Variants in ZNF473 observed in about 807,000 individuals in gnomAD.
ZNF473 encodes the protein zinc finger protein 100 homolog.
In ZNF473, 4 loss-of-function variants were observed where a neutral mutation model predicts 11.1. The observed-to-expected ratio is 0.36, with a 90% CI of 0.18 to 0.82. ZNF473 has a LOEUF of 0.82. ZNF473 is among the 40% of genes least tolerant of loss of function. ZNF473 has a pLI of 0.49. For synonymous variants in ZNF473, 404 were observed against 390.4 expected (o/e 1.03, Z -0.41); for missense variants, 854 against 1,084.0 (o/e 0.79, Z 2.98).
At chr19:50,028,690 A>G (rs2122795320) in intron 1 of ZNF473, among the ~76,000 whole-genome samples, 1 of 152,202 alleles carries the variant, frequency 6.6e-6, no homozygotes, top group East Asian at 1.9e-4. Flanking sequence ...ATGTTGCCAA[A>G]TCCTAGGATG....
At chr19:50,040,370 G>C (rs957323983) in intron 3 of ZNF473, among the ~76,000 whole-genome samples, 1 of 152,212 alleles carries the variant, frequency 6.6e-6, no homozygotes, top group African/African-American at 2.4e-5. Context: ...TTTTTACTGG[G>C]GGCTGGTCAT....
chr19:50,026,375 C>T (rs1391022266), intron 1 of ZNF473, among the ~76,000 whole-genome samples: 2 of 151,914 alleles, frequency 1.3e-5, no homozygotes, highest in African/African-American at 2.4e-5. Flanking sequence ...TTCCTCGAAC[C>T]CCCAGTCTCT....
Position 50,047,344 on chromosome 19 carries a change from C to T in ZNF473, c.*285C>T. On this transcript the variant is annotated 3_prime_UTR_variant, in exon 5 of 5. Coordinates refer to ENST00000270617, the MANE Select transcript of ZNF473 (RefSeq NM_015428.4). ...GAAGGTCAGAAAAATCTCTCAGGGC[C>T]TCGGTGTCCTTATCTGTAAAATGGG... 1 of 355,312 alleles carries T rather than the reference C, an allele frequency of 2.8e-6. No homozygotes were observed. The highest frequency in any genetic ancestry group is 5.3e-5 in the East Asian group (1 of 19,036). 22.0% of individuals were successfully genotyped at this position (355,312 alleles called of 1,614,324 possible).
intron 2 of ZNF473, among the ~76,000 whole-genome samples, chr19:50,034,376 G>C (rs2077334082): frequency 6.6e-6 from 1 of 152,100 alleles, no homozygotes; most frequent in Non-Finnish European, 1.5e-5. Flanking sequence ...AGCAAGAGGA[G>C]GATGCTGTTT....
intron 2 of ZNF473, among the ~76,000 whole-genome samples, chr19:50,034,109 G>A (rs2077332814): frequency 6.6e-6 from 1 of 152,158 alleles, no homozygotes; most frequent in Non-Finnish European, 1.5e-5. Context: ...CTTCTCCTAT[G>A]TCTCAGTAAG....
Position 50,044,806 on chromosome 19 carries a change from G to C in ZNF473, c.363G>C (p.Trp121Cys). ...GAGAAGCCTGTATAGAGGACACCTG[G>C]TTAGATAGTTTGCTAGGCGATCCAG... The part of the protein sequence containing the change: ...NFGEACIEDT[W>C]LDSLLGDPES... Residue 121 changes from tryptophan to cysteine, a missense_variant, in exon 5 of 5, where the codon TGG becomes TGC. By Grantham distance (215) the Trp-to-Cys change is radical. Around this residue, in one of 2 missense-constraint regions of ZNF473, gnomAD observed 668 missense variants for 790.2 expected, o/e 0.85. Coordinates refer to ENST00000270617, the MANE Select transcript of ZNF473 (RefSeq NM_015428.4). 2 of 1,614,212 alleles carry C rather than the reference G, an allele frequency of 1.2e-6. No homozygotes were observed. The highest frequency in any genetic ancestry group is 2.2e-5 in the East Asian group (1 of 44,882).
In ZNF473 at chr19:50,041,810, A is replaced by G. The variant is rs1196779070; in HGVS notation, c.217A>G (p.Thr73Ala). The change falls in exon 4 of 5, where the codon ACA becomes GCA. Residue 73 changes from threonine to alanine, a missense_variant. This residue lies in a region of ZNF473 where 668 missense variants were observed against 790.2 expected (regional missense o/e 0.85). Coordinates refer to ENST00000270617, the MANE Select transcript of ZNF473 (RefSeq NM_015428.4). ...TCTGGCAGGAGGAAGCCCAGAAGCA[A>G]CAAGCCCTGGTGAGTGGATGGAGAG... ...EPLAGGSPEA[T>A]SPDVTETKNS... is the part of the protein sequence containing the mutation. The G allele has an allele frequency of 1.2e-6, 2 of 1,612,232 alleles. No homozygotes were observed. Among genetic ancestry groups the G allele is most frequent in the East Asian group, 2.2e-5 (1 of 44,654 alleles).
intron 2 of ZNF473, among the ~76,000 whole-genome samples, chr19:50,037,383 T>C (rs1978507791): frequency 6.6e-6 from 1 of 152,182 alleles, no homozygotes; most frequent in Non-Finnish European, 1.5e-5. Flanking sequence ...TTTTCATTCT[T>C]TCTTAAAATG....
chr19:50,036,860 G>T (rs1017361118), intron 2 of ZNF473, among the ~76,000 whole-genome samples: 2 of 152,102 alleles, frequency 1.3e-5, no homozygotes, highest in Non-Finnish European at 2.9e-5. Flanking sequence ...TCCCAGCCTC[G>T]AGAACTATAG....
intron 4 of ZNF473, chr19:50,043,578 G>A (rs73932406): frequency 0.052 from 7,924 of 151,520 alleles, 686 homozygotes; most frequent in African/African-American, 0.18. Flanking sequence ...AGTGCCTGAG[G>A]CACTCCTGCC....
intron 3 of ZNF473, chr19:50,040,446 C>T (rs1207199436): frequency 6.6e-6 from 1 of 152,312 alleles, no homozygotes; most frequent in Admixed American, 6.5e-5. Context: ...GTGTAAGCCA[C>T]CGTGTTTGCA....
Position 50,039,264 on chromosome 19 carries a change from A to T in ZNF473, c.113A>T (p.Asn38Ile). The change falls in exon 3 of 5, where the codon AAT (asparagine) becomes ATT (isoleucine). Residue 38 changes from asparagine (N) to isoleucine (I), a missense_variant. By Grantham distance (149) the Asn-to-Ile change is moderately radical. This residue lies in a region of ZNF473 where 668 missense variants were observed against 790.2 expected (regional missense o/e 0.85). Coordinates refer to ENST00000270617, the MANE Select transcript of ZNF473 (RefSeq NM_015428.4). This position sits in a 1 kb window ranked among gnomAD's most constrained non-coding sequence, Gnocchi z 4.8. ...GDTFWDTALD[N>I]CQDLFLLDPP... is the part of the protein sequence containing the mutation. ...ACGTTCTGGGACACAGCGTTGGACA[A>T]TTGCCAGGACCTCTTCCTGCTGGGT... 1.2e-6 allele frequency: 2 copies of T among 1,614,070 alleles called. No homozygotes were observed. The highest frequency in any genetic ancestry group is 1.7e-6 in the Non-Finnish European group (2 of 1,179,968).
In ZNF473 at chr19:50,047,006, T is replaced by C. The variant is rs1979172804; in HGVS notation, c.2563T>C (p.Ser855Pro). 6.2e-7 allele frequency: 1 copy of C among 1,613,764 alleles called. No individual in the cohort carries two copies. Among genetic ancestry groups the C allele is most frequent in the African/African-American group, 1.3e-5 (1 of 74,912 alleles). Residue 855 changes from serine (S) to proline (P), a missense_variant, in exon 5 of 5, where the codon TCG becomes CCG. By Grantham distance (74) the Ser-to-Pro change is moderately conservative (BLOSUM62 -1). Around this residue, in one of 2 missense-constraint regions of ZNF473, gnomAD observed 186 missense variants for 293.8 expected, o/e 0.63. Coordinates refer to ENST00000270617, the MANE Select transcript of ZNF473 (RefSeq NM_015428.4). ...TTGCCAGAAAGCCTTTCGGTGCCACTCGAGCCTCAGCCGCCATCAGCGTGT... is the reference window on the plus strand; with the variant it reads ...TTGCCAGAAAGCCTTTCGGTGCCACCCGAGCCTCAGCCGCCATCAGCGTGT... ...QRCQKAFRCH[S>P]SLSRHQRVHN...
chr19:50,043,954 C>T (rs184193678), intron 4 of ZNF473, among the ~76,000 whole-genome samples: 54 of 152,132 alleles, frequency 3.5e-4, no homozygotes, highest in African/African-American at 1.2e-3. Flanking sequence ...TTTAGGGAAC[C>T]GCAAGAGTTC....
rs1212047752 is a variant in ZNF473 at position 50,045,940 on chromosome 19, C to G, written c.1497C>G (p.Asn499Lys). Residue 499 changes from asparagine to lysine, a missense_variant, in exon 5 of 5, where the codon AAC becomes AAG. Transcript: ENST00000270617. ...AATGCAAGGAGACTTTCAGCGATAACAATCGCCTTGTGCAACACCAGAAAA... is the reference window on the plus strand; with the variant it reads ...AATGCAAGGAGACTTTCAGCGATAAGAATCGCCTTGTGCAACACCAGAAAA... ...CAECKETFSD[N>K]NRLVQHQKMH... The G allele has an allele frequency of 1.9e-6, 3 of 1,614,074 alleles. No homozygotes were observed. The highest frequency in any genetic ancestry group is 2.7e-5 in the African/African-American group (2 of 74,928).
rs150252933 is a variant in ZNF473, at chr19:50,045,890, G to A, written c.1447G>A (p.Ala483Thr). Residue 483 changes from alanine to threonine, a missense_variant, in exon 5 of 5, where the codon GCA becomes ACA. Coordinates refer to ENST00000270617, the MANE Select transcript of ZNF473 (RefSeq NM_015428.4). ...HLMRHQAIHT[A>T]EKPYSCAECK... The stretch of plus-strand genomic sequence containing the variant: ...GATGCGACATCAGGCCATTCACACC[G>A]CAGAAAAGCCCTATAGCTGTGCTGA... 4.7e-5 allele frequency: 76 copies of A among 1,613,938 alleles called. No homozygotes were observed. Among genetic ancestry groups the A allele is most frequent in the Admixed American group, 1.7e-4 (10 of 59,988 alleles).
At chr19:50,037,631 G>T (rs1978522483) in intron 2 of ZNF473, among the ~76,000 whole-genome samples, 1 of 151,078 alleles carries the variant, frequency 6.6e-6, no homozygotes, top group Non-Finnish European at 1.5e-5. Flanking sequence ...GACCAGCCTG[G>T]GCAACATGGC....
chr19:50,029,793 A>G (rs61610482), intron 1 of ZNF473, among the ~76,000 whole-genome samples: 64 of 152,294 alleles, frequency 4.2e-4, no homozygotes, highest in African/African-American at 1.5e-3. Context: ...ATTGCAGGGT[A>G]AGTATTGCTT....
At position 50,046,362 on chromosome 19, in the gene ZNF473, A is replaced by C. The variant is rs367934679; in HGVS notation, c.1919A>C (p.His640Pro). The C allele has an allele frequency of 1.5e-5, 24 of 1,614,070 alleles. No homozygotes were observed. The African/African-American group carries it at 2.8e-4, about 19-fold the overall frequency. The change falls in exon 5 of 5, where the codon CAC (histidine) becomes CCC (proline). Residue 640 changes from histidine (H) to proline (P), a missense_variant. Around this residue, in one of 2 missense-constraint regions of ZNF473, gnomAD observed 186 missense variants for 293.8 expected, o/e 0.63. Transcript: ENST00000270617. The surrounding 1 kb of genome is among the most constrained non-coding windows in gnomAD (Gnocchi z 5.9). ...SASLIKLQSF[H>P]TKEHPFKCNE... ...TCCCTTATCAAACTTCAGTCCTTCCACACAAAGGAGCACCCTTTTAAATGT... is the reference window on the plus strand; with the variant it reads ...TCCCTTATCAAACTTCAGTCCTTCCCCACAAAGGAGCACCCTTTTAAATGT...
Sources: allele counts gnomAD v4.1 joint callset (sites outside exome capture counted in the v4.1 genomes callset), GRCh38; gene constraint gnomAD v4.1.1; regional missense constraint gnomAD v4.1.1; non-coding constraint Gnocchi (gnomAD v3.1); transcripts MANE v1.5; gene names NCBI Gene and HGNC (gene_info 2026-07-23, HGNC 2026-07-21).